FOXP1: variants seen among roughly 807,000 people sequenced by gnomAD.
The protein encoded by FOXP1 is forkhead box protein P1.
A neutral mutation model predicts 98.2 loss-of-function variants in FOXP1; 15 were observed. That is an observed-to-expected ratio of 0.15 (90% CI 0.10 to 0.24). The LOEUF is 0.24. FOXP1 is among the 10% of genes least tolerant of loss of function. The pLI is 1.00. For synonymous variants in FOXP1, 371 were observed against 314.5 expected (o/e 1.18, Z -1.90); for missense variants, 633 against 848.5 (o/e 0.75, Z 3.15).
At chr3:71,345,395 T>TAC (rs1371490368) in intron 4 of FOXP1, among the ~76,000 whole-genome samples, 83 of 50,378 alleles carry the variant, frequency 1.6e-3, no homozygotes, top group African/African-American at 2.9e-3. Flanking sequence ...CTCAAATATA[T>TAC]ATACACACAC....
chr3:71,074,954 A>C (rs1040260573), intron 7 of FOXP1, among the ~76,000 whole-genome samples: 1 of 152,216 alleles, frequency 6.6e-6, no homozygotes, highest in African/African-American at 2.4e-5. Flanking sequence ...ACAGACAGAC[A>C]CCGATGATCT....
chr3:71,156,319 T>C (rs1576087727), intron 6 of FOXP1, among the ~76,000 whole-genome samples: 1 of 152,176 alleles, frequency 6.6e-6, no homozygotes, highest in Non-Finnish European at 1.5e-5. Context: ...TCTTTCATCA[T>C]GCACTCAGCA....
At chr3:71,335,060 G>C (rs2076583964) in intron 4 of FOXP1, 1 of 152,018 alleles carries the variant, frequency 6.6e-6, no homozygotes, top group African/African-American at 2.4e-5. Flanking sequence ...AGGAGTTCAA[G>C]ATCAGCCTGG....
chr3:71,028,978 G>T (rs576172458), intron 11 of FOXP1, among the ~76,000 whole-genome samples: 1 of 152,192 alleles, frequency 6.6e-6, no homozygotes, highest in African/African-American at 2.4e-5. Context: ...TAATGTGAGC[G>T]ATGGGGAGCG....
chr3:71,087,285 T>C (rs1418749651), intron 7 of FOXP1, among the ~76,000 whole-genome samples: 2 of 152,188 alleles, frequency 1.3e-5, no homozygotes, highest in South Asian at 2.1e-4. Flanking sequence ...ACAGAACTCA[T>C]GTGACATCAT....
intron 12 of FOXP1, among the ~76,000 whole-genome samples, chr3:71,006,329 A>G (rs995929298): frequency 6.6e-6 from 1 of 152,132 alleles, no homozygotes; most frequent in Non-Finnish European, 1.5e-5. Context: ...CCTGTTGCCA[A>G]TATTAGTGTC....
intron 7 of FOXP1, among the ~76,000 whole-genome samples, chr3:71,066,602 A>G (rs1318808382): frequency 6.6e-6 from 1 of 152,244 alleles, no homozygotes; most frequent in Admixed American, 6.5e-5. Flanking sequence ...AGGAAATACA[A>G]ATAAAGGAAG....
chr3:71,443,352 A>G (rs1265659814), intron 3 of FOXP1, among the ~76,000 whole-genome samples: 1 of 152,234 alleles, frequency 6.6e-6, no homozygotes, highest in South Asian at 2.1e-4. Context: ...GAACATTCAA[A>G]ATACTTTCTT....
At chr3:71,508,111 T>G (rs1458259328) in intron 2 of FOXP1, among the ~76,000 whole-genome samples, 1 of 152,250 alleles carries the variant, frequency 6.6e-6, no homozygotes, top group Non-Finnish European at 1.5e-5. Context: ...TAATGAGTGC[T>G]GCTGCCTATA....
At chr3:71,154,185 A>G (rs770745384) in intron 6 of FOXP1, among the ~76,000 whole-genome samples, 1 of 152,156 alleles carries the variant, frequency 6.6e-6, no homozygotes, top group Non-Finnish European at 1.5e-5. Context: ...GCTAGTTAAT[A>G]TATCCATCAC....
rs2106858982 is a variant in FOXP1 at position 70,959,390 on chromosome 3, G to A, written c.1891C>T (p.His631Tyr). The change falls in exon 21 of 21, where the codon CAT becomes TAT. Residue 631 changes from histidine (H) to tyrosine (Y), a missense_variant and splice_region_variant. His to Tyr is a moderately conservative substitution (Grantham distance 83). Transcript: ENST00000649528. ...GGCTCTTCTTTGACGTGTACAGGAT[G>A]CCTGGAAAAAATATGCAGAGGTTCA... The part of the protein sequence containing the change: ...SPGRSPMQAV[H>Y]PVHVKEEPLD... The A allele has an allele frequency of 6.2e-7, 1 of 1,613,996 alleles. No individual in the cohort carries two copies. The highest frequency in any genetic ancestry group is 8.5e-7 in the Non-Finnish European group (1 of 1,179,968).
chr3:70,965,770 T>C (rs1189400786), intron 20 of FOXP1, 120 bp downstream of exon 20: 11 of 1,056,056 alleles, frequency 1.0e-5, no homozygotes, highest in Non-Finnish European at 1.6e-5. Context: ...CTAGCTTGGT[T>C]CTGGGAAATC....
intron 3 of FOXP1, among the ~76,000 whole-genome samples, chr3:71,444,950 G>GGAAAAC (rs1388078828): frequency 2.0e-5 from 3 of 152,166 alleles, no homozygotes; most frequent in African/African-American, 7.2e-5. Context: ...TCAATTTTCT[G>GGAAAAC]GAAAACGAAT....
At chr3:71,415,239 T>C (rs1429994955) in intron 3 of FOXP1, among the ~76,000 whole-genome samples, 2 of 152,192 alleles carry the variant, frequency 1.3e-5, no homozygotes, top group African/African-American at 4.8e-5. Context: ...CCATCCTCCA[T>C]AGATTACCTA....
chr3:71,272,218 C>T (rs1481566692), intron 5 of FOXP1, among the ~76,000 whole-genome samples: 1 of 152,072 alleles, frequency 6.6e-6, no homozygotes, highest in African/African-American at 2.4e-5. Context: ...GCAAAAGAAT[C>T]ACCAATTATA....
intron 5 of FOXP1, among the ~76,000 whole-genome samples, chr3:71,237,286 T>G (rs548221602): frequency 8.9e-5 from 11 of 123,764 alleles, no homozygotes; most frequent in African/African-American, 3.4e-4. Context: ...ACTTAATATA[T>G]CCAAAATGTT....
chr3:71,185,401 G>C lies in FOXP1; in HGVS notation c.180+12801C>G, dbSNP rs139365221. Among the ~76,000 whole-genome samples the C allele has an allele frequency of 1.8e-3, 269 of 152,228 alleles. 1 individual carries two copies. The highest frequency in any genetic ancestry group is 6.3e-3 in the African/African-American group (261 of 41,534). ...ACAACTAAATTGAGCAAATGCCTTC[G>C]AATTTGGCAACTATTTTTAAATTAG... is the stretch of plus-strand genomic sequence containing the variant. On this transcript the variant is annotated intron_variant, in intron 6 of 20. Coordinates refer to ENST00000649528, the MANE Select transcript of FOXP1 (RefSeq NM_001349338.3).
At chr3:71,169,161 A>G (rs2061526573) in intron 6 of FOXP1, among the ~76,000 whole-genome samples, 1 of 152,144 alleles carries the variant, frequency 6.6e-6, no homozygotes, top group African/African-American at 2.4e-5. Flanking sequence ...GTATTTGACT[A>G]TTTCATCGAG....
At chr3:70,992,541 G>A (rs933924807) in intron 13 of FOXP1, among the ~76,000 whole-genome samples, 2 of 152,148 alleles carry the variant, frequency 1.3e-5, no homozygotes, top group East Asian at 1.9e-4. Context: ...TCAGAACTTA[G>A]TACCAGTGAA....
Sources: allele counts gnomAD v4.1 joint callset (sites outside exome capture counted in the v4.1 genomes callset), GRCh38; gene constraint gnomAD v4.1.1; transcripts MANE v1.5; gene names NCBI Gene and HGNC (gene_info 2026-07-23, HGNC 2026-07-21).